NUSAP1: variants seen among roughly 807,000 people sequenced by gnomAD.
NUSAP1 encodes the protein nucleolar and spindle-associated protein 1.
A neutral mutation model predicts 52.8 loss-of-function variants in NUSAP1; 32 were observed. The observed-to-expected ratio is 0.61, with a 90% CI of 0.46 to 0.81. The LOEUF is 0.81. Ranked by LOEUF, NUSAP1 falls within the 40% of genes least tolerant of loss-of-function variation. The pLI, the probability that NUSAP1 is intolerant of heterozygous loss-of-function variation, is 0.00. For missense variants in NUSAP1, 499 were observed against 522.3 expected (o/e 0.96, Z 0.43); for synonymous variants, 195 against 183.1 (o/e 1.06, Z -0.52).
intron 10 of NUSAP1, among the ~76,000 whole-genome samples, 181 bp downstream of exon 10, chr15:41,377,485 G>A (rs749624282): frequency 8.2e-4 from 124 of 151,938 alleles, no homozygotes; most frequent in Non-Finnish European, 1.4e-3. Context: ...GGAACACGAG[G>A]TCAGGAGATC....
intron 8 of NUSAP1, among the ~76,000 whole-genome samples, chr15:41,373,155 T>G (rs542403847): frequency 6.6e-6 from 1 of 151,052 alleles, no homozygotes; most frequent in Admixed American, 6.6e-5. Flanking sequence ...AAAGGCTAAC[T>G]AAACTACACC....
chr15:41,366,823 T>C (rs2049437095), intron 7 of NUSAP1, among the ~76,000 whole-genome samples: 1 of 152,210 alleles, frequency 6.6e-6, no homozygotes, highest in South Asian at 2.1e-4. Flanking sequence ...TTGCATTGAT[T>C]TCTACACATC....
intron 2 of NUSAP1, among the ~76,000 whole-genome samples, chr15:41,347,771 G>T (rs966336610): frequency 6.7e-6 from 1 of 149,760 alleles, no homozygotes; most frequent in African/African-American, 2.5e-5. Flanking sequence ...CCAAGATCAT[G>T]CCACTGCACT....
chr15:41,375,149 AG>A (rs1459082780), intron 8 of NUSAP1, among the ~76,000 whole-genome samples: 4 of 148,892 alleles, frequency 2.7e-5, no homozygotes, highest in African/African-American at 9.9e-5. Context: ...ATGGGACTAC[AG>A]GCATGCACCA....
chr15:41,358,042 T>C (rs1462531705), intron 5 of NUSAP1, 107 bp from the exon 6 acceptor site: 8 of 520,640 alleles, frequency 1.5e-5, no homozygotes, highest in Non-Finnish European at 2.7e-5. Flanking sequence ...ATATTGAAGT[T>C]GAATGTCAGG....
chr15:41,376,430 G>A (rs1411916425), intron 9 of NUSAP1, among the ~76,000 whole-genome samples: 2 of 151,710 alleles, frequency 1.3e-5, no homozygotes, highest in African/African-American at 2.4e-5. Flanking sequence ...GCTCACGCCT[G>A]TAATCCCAGC....
At chr15:41,344,528 C>T (rs1251621797) in intron 2 of NUSAP1, among the ~76,000 whole-genome samples, 1 of 151,954 alleles carries the variant, frequency 6.6e-6, no homozygotes, top group Non-Finnish European at 1.5e-5. Flanking sequence ...GTCCCAGCTA[C>T]TAGGGAAGCT....
At chr15:41,371,200 G>A (rs1449606999) in intron 7 of NUSAP1, among the ~76,000 whole-genome samples, 1 of 152,044 alleles carries the variant, frequency 6.6e-6, no homozygotes, top group East Asian at 1.9e-4. Context: ...AGGAGGAGGA[G>A]GAGGAGGAGG....
chr15:41,338,710 C>T (rs934472879), intron 1 of NUSAP1, among the ~76,000 whole-genome samples: 1 of 152,116 alleles, frequency 6.6e-6, no homozygotes, highest in African/African-American at 2.4e-5. Flanking sequence ...AATCCCAGCA[C>T]TTTGAGAGGC....
At chr15:41,375,552 C>T (rs917318667) in intron 8 of NUSAP1, among the ~76,000 whole-genome samples, 160 bp from the exon 9 acceptor site, 7 of 152,106 alleles carry the variant, frequency 4.6e-5, no homozygotes, top group Non-Finnish European at 8.8e-5. Context: ...ACCTCGTGAT[C>T]CGCCCACCTC....
At chr15:41,355,817 C>T (rs2048946336) in intron 4 of NUSAP1, among the ~76,000 whole-genome samples, 1 of 151,932 alleles carries the variant, frequency 6.6e-6, no homozygotes, top group Non-Finnish European at 1.5e-5. Flanking sequence ...GCTGGGACTA[C>T]AGGCGCCCAC....
intron 10 of NUSAP1, among the ~76,000 whole-genome samples, chr15:41,378,544 G>T (rs2050066770): frequency 6.6e-6 from 1 of 152,204 alleles, no homozygotes; most frequent in South Asian, 2.1e-4. Context: ...CCAGTACTCT[G>T]GGAGGCCAAG....
At position 41,380,900 on chromosome 15, in the gene NUSAP1, C is replaced by G. The variant is rs2050180431; in HGVS notation, c.*714C>G. ...CTCACTGTGTTGCCCAGGCTGGTCT[C>G]AAACTCCACCAAATGTACTTCTTAT... On this transcript the variant is annotated 3_prime_UTR_variant, in exon 11 of 11. Transcript: ENST00000559596. 6.6e-6 allele frequency: 1 copy of G among 152,206 alleles called. No individual in the cohort carries two copies. Among genetic ancestry groups the G allele is most frequent in the South Asian group, 2.1e-4 (1 of 4,832 alleles). 9.4% of individuals were successfully genotyped at this position (152,206 alleles called of 1,614,324 possible). A position where few individuals can be genotyped will look rare whatever the true frequency, so the allele number is the denominator to read the frequency against.
chr15:41,333,328 G>A (rs562337756), intron 1 of NUSAP1, among the ~76,000 whole-genome samples: 8 of 152,220 alleles, frequency 5.3e-5, no homozygotes, highest in African/African-American at 1.7e-4. Context: ...GTTTTGTTTT[G>A]AAATTACTGT....
chr15:41,368,449 C>CGAGG (rs904967769), intron 7 of NUSAP1, among the ~76,000 whole-genome samples: 1 of 152,164 alleles, frequency 6.6e-6, no homozygotes, highest in Non-Finnish European at 1.5e-5. Flanking sequence ...AAAATTAACT[C>CGAGG]TTCCTCAAAT....
chr15:41,342,682 A>G (rs1319514250), intron 2 of NUSAP1, among the ~76,000 whole-genome samples: 1 of 152,090 alleles, frequency 6.6e-6, no homozygotes, highest in Non-Finnish European at 1.5e-5. Context: ...TACTAAAAAT[A>G]CAAAAATTAG....
At chr15:41,376,420 G>T (rs895944356) in intron 9 of NUSAP1, among the ~76,000 whole-genome samples, 1 of 150,982 alleles carries the variant, frequency 6.6e-6, no homozygotes, top group Admixed American at 6.6e-5. Flanking sequence ...GGGCGCGGTG[G>T]CTCACGCCTG....
In NUSAP1 at chr15:41,351,028, T is replaced by C. The variant is rs1321250951; in HGVS notation, c.347T>C (p.Phe116Ser). 5 of 1,613,152 alleles carry C rather than the reference T, an allele frequency of 3.1e-6. No homozygotes were observed. ...ATAAAAATAAGTAATCCCACTGAAT[T>C]CCAGAATCATGAAAAGCAGGAAAGC... Reference protein sequence around the residue: ...SEIKISNPTEFQNHEKQESQD... With the variant: ...SEIKISNPTESQNHEKQESQD... Residue 116 changes from phenylalanine to serine, a missense_variant, in exon 4 of 11, where the codon TTC becomes TCC. Coordinates refer to ENST00000559596, the MANE Select transcript of NUSAP1 (RefSeq NM_016359.5).
chr15:41,351,231 C>T lies in NUSAP1; in HGVS notation c.448+102C>T, dbSNP rs181741585. 56 of 1,186,740 alleles carry T rather than the reference C, an allele frequency of 4.7e-5. No homozygotes were observed. The Middle Eastern group carries it at 1.0e-3, about 21-fold the overall frequency. 73.5% of individuals were successfully genotyped at this position (1,186,740 alleles called of 1,614,324 possible). A position where few individuals can be genotyped will look rare whatever the true frequency, so the allele number is the denominator to read the frequency against. On this transcript the variant is annotated intron_variant, in intron 4 of 10. Coordinates refer to ENST00000559596, the MANE Select transcript of NUSAP1 (RefSeq NM_016359.5). Reference sequence around the variant, plus strand: ...CTAGGACTGTTGTGACAAAGCACCACAACTGGGCAGCTTAGAACAACAGAA... The same window carrying T: ...CTAGGACTGTTGTGACAAAGCACCATAACTGGGCAGCTTAGAACAACAGAA...
Sources: gnomAD v4.1 joint callset for allele counts (sites outside exome capture counted in the v4.1 genomes callset) on GRCh38, gnomAD v4.1.1 for gene constraint, MANE v1.5 for transcripts, NCBI Gene and HGNC (gene_info 2026-07-23, HGNC 2026-07-21) for gene names.